WDPCP: variants seen among roughly 807,000 people sequenced by gnomAD.
The protein encoded by WDPCP is WD repeat containing planar cell polarity effector.
In WDPCP, 71 loss-of-function variants were observed where a neutral mutation model predicts 93.1. The ratio of observed to expected loss-of-function variants is 0.76; its 90% CI spans 0.63 to 0.93. The LOEUF is 0.93. Among genes scored for constraint, WDPCP ranks in the 40% least tolerant of loss-of-function variants. WDPCP has a pLI of 0.00. For synonymous variants in WDPCP, 315 were observed against 315.0 expected (o/e 1.00, Z 0.00); for missense variants, 844 against 887.4 (o/e 0.95, Z 0.62).
At chr2:63,393,202 G>A (rs933249608) in intron 10 of WDPCP, among the ~76,000 whole-genome samples, 6 of 152,146 alleles carry the variant, frequency 3.9e-5, no homozygotes, top group Non-Finnish European at 7.3e-5. Flanking sequence ...ATACTATGCC[G>A]CCATAAAAAA....
chr2:63,722,654 A>G (rs1448709455), intron 2 of WDPCP, among the ~76,000 whole-genome samples: 1 of 28,568 alleles, frequency 3.5e-5, no homozygotes, highest in Admixed American at 2.7e-4. Flanking sequence ...TCCGGGAGGG[A>G]GGTGGGGGGG....
chr2:63,602,877 AC>A (rs1278677222), intron 3 of WDPCP, among the ~76,000 whole-genome samples: 2 of 147,626 alleles, frequency 1.4e-5, no homozygotes, highest in African/African-American at 5.0e-5. Context: ...TTTTCCACTT[AC>A]CCCTTTTATT....
At chr2:63,138,023 C>T (rs1036508431) in intron 17 of WDPCP, among the ~76,000 whole-genome samples, 7 of 145,986 alleles carry the variant, frequency 4.8e-5, no homozygotes, top group African/African-American at 1.7e-4. Context: ...CTTTTTTTCT[C>T]CTTAGGATTT....
At chr2:63,316,017 C>G (rs184434658) in intron 12 of WDPCP, among the ~76,000 whole-genome samples, 2 of 152,140 alleles carry the variant, frequency 1.3e-5, no homozygotes, top group East Asian at 1.9e-4. Context: ...CCTGCCTCAG[C>G]CTCCCAAAAT....
intron 2 of WDPCP, chr2:63,684,490 C>A: frequency 2.6e-6 from 2 of 757,010 alleles, no homozygotes; most frequent in Non-Finnish European, 2.4e-6. Flanking sequence ...AGAAGAAGAT[C>A]GCCAAGAGGT....
At chr2:63,620,759 T>TA (rs1249195236) in intron 3 of WDPCP, among the ~76,000 whole-genome samples, 1 of 151,826 alleles carries the variant, frequency 6.6e-6, no homozygotes, top group Non-Finnish European at 1.5e-5. Context: ...TCAACAGACA[T>TA]AAAGGAGAGC....
intron 2 of WDPCP, among the ~76,000 whole-genome samples, chr2:63,724,359 C>A (rs1669468366): frequency 6.6e-6 from 1 of 151,674 alleles, no homozygotes; most frequent in Non-Finnish European, 1.5e-5. Context: ...AAAATGCAAT[C>A]TTTGAAAGAA....
chr2:63,484,907 TGAAA>T lies in WDPCP; in HGVS notation c.324+6_324+9del. On this transcript the variant is annotated splice_donor_region_variant and intron_variant, in intron 5 of 17. Transcript: ENST00000272321. Reference sequence around the variant, plus strand: ...GTTTGTTGCCATTTTTGAAACTTTTTGAAAGATACCTCCAACTCTTTGAGCGAGT... The same window carrying T: ...GTTTGTTGCCATTTTTGAAACTTTTTGATACCTCCAACTCTTTGAGCGAGT... The T allele has an allele frequency of 1.9e-6, 3 of 1,612,146 alleles. No homozygotes were observed. Among genetic ancestry groups the T allele is most frequent in the Non-Finnish European group, 2.5e-6 (3 of 1,178,864 alleles).
intron 3 of WDPCP, among the ~76,000 whole-genome samples, chr2:63,647,250 G>A (rs553399543): frequency 6.5e-4 from 99 of 152,156 alleles, no homozygotes; most frequent in African/African-American, 2.1e-3. Flanking sequence ...CGATTCTCTG[G>A]CCTCAGCCTC....
chr2:63,597,430 C>A, intron 3 of WDPCP: 1 of 1,452,646 alleles, frequency 6.9e-7, no homozygotes, highest in Non-Finnish European at 9.2e-7. Flanking sequence ...AAGACGTTGC[C>A]TTCAAAGACC....
intron 2 of WDPCP, among the ~76,000 whole-genome samples, chr2:63,786,521 G>C (rs766123809): frequency 2.0e-5 from 3 of 152,188 alleles, no homozygotes; most frequent in Non-Finnish European, 2.9e-5. Flanking sequence ...AGTGCCATAT[G>C]TGTGTTGAGC....
chr2:63,207,559 C>G (rs1676437090), intron 14 of WDPCP, among the ~76,000 whole-genome samples: 1 of 152,134 alleles, frequency 6.6e-6, no homozygotes, highest in Admixed American at 6.6e-5. Context: ...TCACCTTTTT[C>G]TTGAGTATCT....
intron 13 of WDPCP, among the ~76,000 whole-genome samples, chr2:63,304,348 A>C (rs1685557408): frequency 6.6e-6 from 1 of 152,182 alleles, no homozygotes; most frequent in Admixed American, 6.5e-5. Flanking sequence ...TCAACACAGA[A>C]GGTGGGTGAT....
chr2:63,675,514 C>G (rs1359458119), intron 2 of WDPCP, among the ~76,000 whole-genome samples: 1 of 152,094 alleles, frequency 6.6e-6, no homozygotes, highest in African/African-American at 2.4e-5. Context: ...CATTTCCTTT[C>G]TTCGCGGGGT....
chr2:63,840,745 C>A, the WDPCP span, among the ~76,000 whole-genome samples: 1 of 152,250 alleles, frequency 6.6e-6, no homozygotes, highest in African/African-American at 2.4e-5. Context: ...CTCTCCCTCA[C>A]TGAGATATAC....
chr2:63,242,750 T>C (rs1679960178), intron 14 of WDPCP, among the ~76,000 whole-genome samples: 1 of 152,180 alleles, frequency 6.6e-6, no homozygotes, highest in African/African-American at 2.4e-5. Context: ...GACTTTCTTA[T>C]GGTTAGTGTA....
chr2:63,327,930 T>C (rs1434874087), intron 12 of WDPCP, among the ~76,000 whole-genome samples: 1 of 151,982 alleles, frequency 6.6e-6, no homozygotes. Flanking sequence ...GCCTAAAGAG[T>C]TCCCCTCTGA....
chr2:63,684,755 A>C, intron 2 of WDPCP: 1 of 574,486 alleles, frequency 1.7e-6, no homozygotes, highest in Non-Finnish European at 3.3e-6. Context: ...AAATAAGAAA[A>C]AGAAATAGTA....
chr2:63,583,807 T>C (rs897724601), intron 1 of WDPCP, among the ~76,000 whole-genome samples: 1 of 152,054 alleles, frequency 6.6e-6, no homozygotes. Context: ...TAAGTCACCA[T>C]GTTTCATATA....
Sources: allele counts gnomAD v4.1 joint callset (sites outside exome capture counted in the v4.1 genomes callset), GRCh38; gene constraint gnomAD v4.1.1; transcripts MANE v1.5; gene names NCBI Gene and HGNC (gene_info 2026-07-23, HGNC 2026-07-21).